Variants in SLC39A11 observed in about 807,000 individuals in gnomAD.
SLC39A11 encodes the protein zinc transporter ZIP11.
A neutral mutation model predicts 36.1 loss-of-function variants in SLC39A11; 33 were observed. That is an observed-to-expected ratio of 0.91 (90% CI 0.69 to 1.22). The LOEUF (loss-of-function observed/expected upper bound fraction) is 1.22, where lower values mean the gene tolerates loss of function less well. Ranked by LOEUF, SLC39A11 falls within the 50% of genes most tolerant of loss-of-function variation. SLC39A11 has a pLI of 0.00. For synonymous variants in SLC39A11, 166 were observed against 170.3 expected (o/e 0.97, Z 0.20); for missense variants, 432 against 430.3 (o/e 1.00, Z -0.03).
intron 4 of SLC39A11, 128 bp from the exon 5 acceptor site, chr17:72,948,003 C>T (rs1009979286): frequency 1.6e-6 from 2 of 1,217,530 alleles, no homozygotes; most frequent in Non-Finnish European, 2.3e-6. Flanking sequence ...GCCAGTCCTC[C>T]GGCCAACCCA....
intron 4 of SLC39A11, among the ~76,000 whole-genome samples, chr17:73,013,245 A>C (rs2090622585): frequency 6.6e-6 from 1 of 151,208 alleles, no homozygotes; most frequent in Non-Finnish European, 1.5e-5. Context: ...GCACCATCAC[A>C]CCTAGCTAAT....
chr17:72,700,670 C>G (rs2072566347), intron 7 of SLC39A11, among the ~76,000 whole-genome samples: 1 of 152,168 alleles, frequency 6.6e-6, no homozygotes, highest in Non-Finnish European at 1.5e-5. Context: ...AAAGACATAC[C>G]CAAGACTGGG....
intron 7 of SLC39A11, among the ~76,000 whole-genome samples, chr17:72,731,208 T>G (rs566542887): frequency 1.3e-5 from 2 of 152,362 alleles, no homozygotes; most frequent in Non-Finnish European, 2.9e-5. Context: ...TACTTTTTCT[T>G]GGCACTTTGA....
chr17:73,032,949 T>C (rs2058785351), intron 3 of SLC39A11, among the ~76,000 whole-genome samples: 1 of 152,190 alleles, frequency 6.6e-6, no homozygotes, highest in Non-Finnish European at 1.5e-5. Flanking sequence ...TTGCTCATGG[T>C]CCTACAGGCC....
At chr17:72,940,034 T>C (rs2084999820) in intron 5 of SLC39A11, among the ~76,000 whole-genome samples, 1 of 152,224 alleles carries the variant, frequency 6.6e-6, no homozygotes, top group Non-Finnish European at 1.5e-5. Flanking sequence ...TCTTGGATTT[T>C]CAGATTTGAG....
chr17:72,804,073 G>A (rs1458937125), intron 6 of SLC39A11, among the ~76,000 whole-genome samples: 1 of 152,004 alleles, frequency 6.6e-6, no homozygotes, highest in Non-Finnish European at 1.5e-5. Context: ...TCCGCTCACT[G>A]CAAGCTCCGC....
intron 7 of SLC39A11, among the ~76,000 whole-genome samples, chr17:72,668,058 G>T (rs964544978): frequency 3.3e-5 from 5 of 152,176 alleles, no homozygotes; most frequent in African/African-American, 1.2e-4. Context: ...AGGGTAGCCT[G>T]TGATTATTAG....
chr17:72,977,388 T>C (rs1223158838), intron 4 of SLC39A11, among the ~76,000 whole-genome samples: 1 of 152,158 alleles, frequency 6.6e-6, no homozygotes, highest in Non-Finnish European at 1.5e-5. Flanking sequence ...CCCTCTGACC[T>C]ATGGAGTTTT....
At chr17:72,989,007 T>TCC (rs2088970384) in intron 4 of SLC39A11, among the ~76,000 whole-genome samples, 4 of 152,190 alleles carry the variant, frequency 2.6e-5, no homozygotes, top group African/African-American at 4.8e-5. Flanking sequence ...GGTCAGGAGT[T>TCC]CGAGACCAGC....
At chr17:72,921,821 T>C (rs987733304) in intron 5 of SLC39A11, among the ~76,000 whole-genome samples, 1 of 152,222 alleles carries the variant, frequency 6.6e-6, no homozygotes, top group Non-Finnish European at 1.5e-5. Context: ...TTATGCAGCA[T>C]GTCAGTTCCG....
chr17:73,033,188 G>A (rs987252880), intron 3 of SLC39A11, among the ~76,000 whole-genome samples: 20 of 152,278 alleles, frequency 1.3e-4, no homozygotes, highest in African/African-American at 4.1e-4. Flanking sequence ...GAGCTCCCGC[G>A]GTAATCCTCA....
At chr17:72,860,006 CGAGGAGAGGGGAGGG>C (rs2079878797) in intron 5 of SLC39A11, among the ~76,000 whole-genome samples, 1 of 64,098 alleles carries the variant, frequency 1.6e-5, no homozygotes, top group African/African-American at 1.3e-4. Flanking sequence ...AGAGACTAGA[CGAGGAGAGGGGAGGG>C]GAGGGGAGGG....
intron 4 of SLC39A11, among the ~76,000 whole-genome samples, chr17:73,026,343 C>A (rs1228705267): frequency 6.6e-6 from 1 of 151,536 alleles, no homozygotes; most frequent in Non-Finnish European, 1.5e-5. Context: ...TGGTGAAACC[C>A]CATCTCTACT....
intron 7 of SLC39A11, among the ~76,000 whole-genome samples, chr17:72,721,619 G>A (rs1407264783): frequency 6.6e-6 from 1 of 152,092 alleles, no homozygotes; most frequent in Non-Finnish European, 1.5e-5. Context: ...TGCAGGATGT[G>A]GCCCTGAGAA....
chr17:72,836,278 G>A (rs2078539795), intron 6 of SLC39A11, among the ~76,000 whole-genome samples: 2 of 152,060 alleles, frequency 1.3e-5, no homozygotes, highest in Non-Finnish European at 2.9e-5. Flanking sequence ...GAGCTCACCA[G>A]TGAGACACAA....
chr17:72,860,089 G>A (rs150862333), intron 5 of SLC39A11, among the ~76,000 whole-genome samples: 112 of 150,880 alleles, frequency 7.4e-4, no homozygotes, highest in East Asian at 6.9e-3. Context: ...AAATGGGATC[G>A]TGGCAAACTT....
chr17:73,073,205 A>G (rs1374788622), intron 3 of SLC39A11, among the ~76,000 whole-genome samples: 1 of 151,970 alleles, frequency 6.6e-6, no homozygotes, highest in Non-Finnish European at 1.5e-5. Flanking sequence ...TAAAATGCCA[A>G]CTCCTCATCA....
intron 5 of SLC39A11, among the ~76,000 whole-genome samples, chr17:72,945,738 C>T (rs576852897): frequency 1.5e-4 from 23 of 152,308 alleles, no homozygotes; most frequent in Admixed American, 1.0e-3. Flanking sequence ...CACCTCACTC[C>T]GCTACCACTT....
At chr17:72,898,887 G>A (rs557797134) in intron 5 of SLC39A11, among the ~76,000 whole-genome samples, 53 of 152,322 alleles carry the variant, frequency 3.5e-4, no homozygotes, top group African/African-American at 1.0e-3. Flanking sequence ...GGAGGCGACT[G>A]CCAAGAGGAA....
Sources: allele counts gnomAD v4.1 joint callset (sites outside exome capture counted in the v4.1 genomes callset), GRCh38; gene constraint gnomAD v4.1.1; transcripts MANE v1.5; gene names NCBI Gene and HGNC (gene_info 2026-07-23, HGNC 2026-07-21).